The following PDE10A variants were observed in gnomAD, a reference collection of about 807,000 sequenced individuals.
PDE10A encodes the protein phosphodiesterase 10A.
In PDE10A, 39 loss-of-function variants were observed where a neutral mutation model predicts 97.7. The observed-to-expected ratio is 0.40, with a 90% CI of 0.31 to 0.52. The LOEUF (loss-of-function observed/expected upper bound fraction) is 0.52, where lower values mean the gene tolerates loss of function less well. Among genes scored for constraint, PDE10A ranks in the 20% least tolerant of loss-of-function variants. PDE10A has a pLI of 0.56. For synonymous variants in PDE10A, 371 were observed against 376.8 expected (o/e 0.98, Z 0.18); for missense variants, 731 against 1,047.8 (o/e 0.70, Z 4.17).
At chr6:165,791,833 A>G (rs1778662825) in intron 1 of PDE10A, among the ~76,000 whole-genome samples, 1 of 152,180 alleles carries the variant, frequency 6.6e-6, no homozygotes, top group Admixed American at 6.5e-5. Flanking sequence ...CGTGAGAAGA[A>G]TCTCTGTAAT....
chr6:165,378,976 C>T (rs1784777891), intron 18 of PDE10A, among the ~76,000 whole-genome samples: 1 of 152,202 alleles, frequency 6.6e-6, no homozygotes, highest in Admixed American at 6.5e-5. Context: ...AACTTCCAAT[C>T]TGTATTTTGA....
intron 1 of PDE10A, among the ~76,000 whole-genome samples, chr6:165,799,472 G>C (rs545477516): frequency 6.6e-6 from 1 of 152,048 alleles, no homozygotes; most frequent in South Asian, 2.1e-4. Flanking sequence ...TTTCACTATG[G>C]AGGGATTTTC....
intron 1 of PDE10A, among the ~76,000 whole-genome samples, chr6:165,708,005 A>T (rs992108869): frequency 2.0e-5 from 3 of 152,118 alleles, no homozygotes; most frequent in Non-Finnish European, 4.4e-5. Flanking sequence ...CCAGATTTTT[A>T]AAAACTCAAC....
chr6:165,820,581 C>A lies in PDE10A; in HGVS notation c.-615+166948G>T, dbSNP rs184730389. Among the ~76,000 whole-genome samples, 26 of 152,322 alleles carry A rather than the reference C, an allele frequency of 1.7e-4. No homozygotes were observed. In the East Asian group the frequency reaches 4.8e-3, roughly 28 times the overall value. ...CACATCCTGGAAAGAAGCCTGTACT[C>A]AGCATGAGCCCAGGCCCCCCAGCGT... On this transcript the variant is annotated intron_variant, in intron 1 of 19. Transcript: ENST00000366882.
At chr6:165,926,172 C>A (rs996916178) in intron 1 of PDE10A, among the ~76,000 whole-genome samples, 1 of 152,136 alleles carries the variant, frequency 6.6e-6, no homozygotes, top group Non-Finnish European at 1.5e-5. Flanking sequence ...AATGAAGTAC[C>A]AGCAATAGTG....
Position 165,435,391 on chromosome 6 carries a change from A to C in PDE10A, c.1195-14T>G. ...TATACACAGGCTCTAGGGAGAAGAA[A>C]AGATGTTTTACAGACTTTCCTGTAC... On this transcript the variant is annotated splice_polypyrimidine_tract_variant and intron_variant, in intron 5 of 21. Coordinates refer to ENST00000539869, the MANE Select transcript of PDE10A (RefSeq NM_001385079.1). The C allele has an allele frequency of 6.2e-7, 1 of 1,609,626 alleles. No individual in the cohort carries two copies. Among genetic ancestry groups the C allele is most frequent in the Non-Finnish European group, 8.5e-7 (1 of 1,178,232 alleles).
At chr6:165,625,871 A>C (rs1005574537) in intron 1 of PDE10A, among the ~76,000 whole-genome samples, 1 of 152,210 alleles carries the variant, frequency 6.6e-6, no homozygotes, top group Admixed American at 6.5e-5. Context: ...GGACTCACAC[A>C]CTAACTTTCC....
At chr6:165,629,037 A>T (rs902203814) in intron 1 of PDE10A, among the ~76,000 whole-genome samples, 16 of 152,120 alleles carry the variant, frequency 1.1e-4, no homozygotes, top group Non-Finnish European at 1.9e-4. Context: ...ATACAGAGAT[A>T]AATGACTTCA....
At position 165,598,292 on chromosome 6, in the gene PDE10A, G is replaced by C. The variant is rs554644394; in HGVS notation, c.866-54724C>G. Among the ~76,000 whole-genome samples the C allele has an allele frequency of 6.6e-3, 1,007 of 152,280 alleles. 9 individuals are homozygous for C. Among genetic ancestry groups the C allele is most frequent in the Non-Finnish European group, 0.011 (772 of 68,032 alleles). On this transcript the variant is annotated intron_variant, in intron 1 of 21. Coordinates refer to ENST00000539869, the MANE Select transcript of PDE10A (RefSeq NM_001385079.1). Reference sequence around the variant, plus strand: ...TCTTCTTATTAACAGATCTTAGAGAGAGAGAGCACCAACAATATCAAAGAG... The same window carrying C: ...TCTTCTTATTAACAGATCTTAGAGACAGAGAGCACCAACAATATCAAAGAG...
rs543654137 is a variant in PDE10A at position 165,987,883 on chromosome 6, A to G, written c.-969T>C. 7 of 376,680 alleles carry G rather than the reference A, an allele frequency of 1.9e-5. No homozygotes were observed. The East Asian group carries it at 4.3e-4, about 23-fold the overall frequency. The allele number at this position is 376,680 out of a possible 1,614,324, so 23.3% of individuals were successfully genotyped here. A position where few individuals can be genotyped will look rare whatever the true frequency, so the allele number is the denominator to read the frequency against. On this transcript the variant is annotated 5_prime_UTR_variant, in exon 1 of 20. Coordinates refer to the PDE10A transcript ENST00000366882. Reference sequence around the variant, plus strand: ...GCTGCACCCAGCGCCTTGGGCGCCCATGAAGACCAGTCCATCTCAGCTCAA... The same window carrying G: ...GCTGCACCCAGCGCCTTGGGCGCCCGTGAAGACCAGTCCATCTCAGCTCAA...
intron 1 of PDE10A, among the ~76,000 whole-genome samples, chr6:165,608,175 G>T (rs886380377): frequency 1.3e-5 from 2 of 150,414 alleles, no homozygotes; most frequent in East Asian, 2.0e-4. Flanking sequence ...GGTTTGTTAC[G>T]TATGTATACA....
In PDE10A at chr6:165,333,273, C is replaced by T. The variant is rs115973006; in HGVS notation, c.3066-146G>A. ...CGACATGGTTACCAGCACGACGTGGCCAGGCAGGTTCCTGTGATGGCTGTT... is the reference window on the plus strand; with the variant it reads ...CGACATGGTTACCAGCACGACGTGGTCAGGCAGGTTCCTGTGATGGCTGTT... On this transcript the variant is annotated intron_variant, in intron 21 of 21. Transcript: ENST00000539869. The T allele has an allele frequency of 1.4e-3, 900 of 623,974 alleles. 9 individuals are homozygous for T. Among genetic ancestry groups the T allele is most frequent in the African/African-American group, 0.014 (780 of 54,614 alleles). The allele number at this position is 623,974 out of a possible 1,614,324, so 38.7% of individuals were successfully genotyped here.
intron 1 of PDE10A, among the ~76,000 whole-genome samples, chr6:165,900,572 C>G (rs1782076611): frequency 6.6e-6 from 1 of 152,148 alleles, no homozygotes; most frequent in Admixed American, 6.5e-5. Context: ...CTCTCTCTTT[C>G]TCTGTCTCTC....
At chr6:165,608,490 T>C (rs1464498154) in intron 1 of PDE10A, among the ~76,000 whole-genome samples, 10 of 152,142 alleles carry the variant, frequency 6.6e-5, no homozygotes. Flanking sequence ...ATGTGTCACA[T>C]TTTCTTATTC....
chr6:165,685,219 C>T (rs1791082718), intron 1 of PDE10A, among the ~76,000 whole-genome samples: 1 of 152,106 alleles, frequency 6.6e-6, no homozygotes, highest in Admixed American at 6.5e-5. Context: ...CAATCCTGCT[C>T]TGTTTAAATC....
chr6:165,967,120 G>GATA (rs1784533691), intron 1 of PDE10A, among the ~76,000 whole-genome samples: 1 of 152,166 alleles, frequency 6.6e-6, no homozygotes, highest in African/African-American at 2.4e-5. Flanking sequence ...TCCTAGAGAT[G>GATA]CCCTGGGCTT....
At chr6:165,688,758 T>G (rs9347085) in intron 1 of PDE10A, among the ~76,000 whole-genome samples, 1 of 152,124 alleles carries the variant, frequency 6.6e-6, no homozygotes, top group Non-Finnish European at 1.5e-5. Flanking sequence ...AGGCATTGTA[T>G]AAAGAAACTC....
At chr6:165,598,589 A>G (rs1033509777) in intron 1 of PDE10A, among the ~76,000 whole-genome samples, 19 of 152,278 alleles carry the variant, frequency 1.2e-4, no homozygotes, top group African/African-American at 4.3e-4. Flanking sequence ...AATGGTGATA[A>G]TAATAGTATC....
chr6:165,591,558 A>C, intron 1 of PDE10A, among the ~76,000 whole-genome samples: 1 of 152,238 alleles, frequency 6.6e-6, no homozygotes, highest in East Asian at 1.9e-4. Flanking sequence ...TTGAACCTCC[A>C]CAAGCATTAC....
Sources: allele counts gnomAD v4.1 joint callset (sites outside exome capture counted in the v4.1 genomes callset), GRCh38; gene constraint gnomAD v4.1.1; transcripts MANE v1.5; gene names NCBI Gene and HGNC (gene_info 2026-07-23, HGNC 2026-07-21).